The following RABGAP1L variants were observed in gnomAD, a reference collection of about 807,000 sequenced individuals.
RABGAP1L encodes RAB GTPase activating protein 1 like.
RABGAP1L carries 63 observed loss-of-function variants against 137.7 expected under a neutral mutation model. That is an observed-to-expected ratio of 0.46 (90% CI 0.37 to 0.56). The LOEUF (loss-of-function observed/expected upper bound fraction) is 0.56, where lower values mean the gene tolerates loss of function less well. Ranked by LOEUF, RABGAP1L falls within the 20% of genes least tolerant of loss-of-function variation. RABGAP1L has a pLI of 0.00. For synonymous variants in RABGAP1L, 431 were observed against 433.7 expected, an observed-to-expected ratio of 0.99 and a Z score of 0.08; for missense variants, 1,095 against 1,244.0, an observed-to-expected ratio of 0.88 and a Z score of 1.80.
chr1:174,763,575 T>C (rs1236590694), intron 18 of RABGAP1L, among the ~76,000 whole-genome samples: 8 of 123,330 alleles, frequency 6.5e-5, no homozygotes, highest in Non-Finnish European at 1.1e-4. Flanking sequence ...GGCGTGAACC[T>C]GGGAGGCGGA....
intron 13 of RABGAP1L, among the ~76,000 whole-genome samples, chr1:174,440,254 G>A (rs1235791274): frequency 6.6e-6 from 1 of 152,116 alleles, no homozygotes; most frequent in East Asian, 1.9e-4. Flanking sequence ...TTATCATAAG[G>A]GCAATGTAAA....
At chr1:174,677,346 T>A (rs530805157) in intron 14 of RABGAP1L, among the ~76,000 whole-genome samples, 1 of 152,176 alleles carries the variant, frequency 6.6e-6, no homozygotes, top group Non-Finnish European at 1.5e-5. Flanking sequence ...TTAGAACTTA[T>A]AATAAACCAT....
At chr1:174,216,502 C>T (rs1489864022) in intron 1 of RABGAP1L, among the ~76,000 whole-genome samples, 1 of 150,678 alleles carries the variant, frequency 6.6e-6, no homozygotes, top group East Asian at 1.9e-4. Flanking sequence ...AACCCATGTA[C>T]AAGTAGTGCC....
chr1:174,697,428 C>A (rs2148512765), intron 15 of RABGAP1L, among the ~76,000 whole-genome samples: 1 of 152,180 alleles, frequency 6.6e-6, no homozygotes. Context: ...TCAAGCAGTT[C>A]TCCTGCCTCA....
At chr1:174,522,974 T>C (rs2147854167) in intron 13 of RABGAP1L, among the ~76,000 whole-genome samples, 1 of 152,282 alleles carries the variant, frequency 6.6e-6, no homozygotes, top group African/African-American at 2.4e-5. Flanking sequence ...TGGGCCAGGA[T>C]ACACATCCAG....
intron 1 of RABGAP1L, among the ~76,000 whole-genome samples, chr1:174,197,467 C>T (rs953099318): frequency 1.3e-5 from 2 of 152,276 alleles, no homozygotes; most frequent in Middle Eastern, 3.4e-3. Context: ...TGAGTTTCCA[C>T]GTAATACACT....
chr1:174,870,584 C>T (rs756637505), intron 19 of RABGAP1L, among the ~76,000 whole-genome samples: 1 of 152,030 alleles, frequency 6.6e-6, no homozygotes, highest in African/African-American at 2.4e-5. Flanking sequence ...CTGTAGGTAT[C>T]GAGTCAAATC....
chr1:174,946,900 C>CAAAA lies in RABGAP1L; in HGVS notation c.2341-10542_2341-10539dup, dbSNP rs1177949233. 1.1e-3 allele frequency among the ~76,000 whole-genome samples: 24 copies of CAAAA among 21,388 alleles called. 3 individuals are homozygous for CAAAA. Among genetic ancestry groups the CAAAA allele is most frequent in the African/African-American group, 7.3e-3 (24 of 3,304 alleles). 14.0% of individuals were successfully genotyped at this position (21,388 alleles called of 152,430 possible). A position where few individuals can be genotyped will look rare whatever the true frequency, so the allele number is the denominator to read the frequency against. Reference sequence around the variant, plus strand: ...TGGGCAAAAGAGCGAGACTCCATCTCAAAAAAAAAAAAAAAAAATATATAT... The same window carrying CAAAA: ...TGGGCAAAAGAGCGAGACTCCATCTCAAAAAAAAAAAAAAAAAAAAAATATATAT... On this transcript the variant is annotated intron_variant, in intron 19 of 25. Coordinates refer to ENST00000681986, the MANE Select transcript of RABGAP1L (RefSeq NM_001366446.1).
intron 19 of RABGAP1L, among the ~76,000 whole-genome samples, chr1:174,884,031 C>G (rs1654683274): frequency 6.6e-6 from 1 of 152,234 alleles, no homozygotes; most frequent in South Asian, 2.1e-4. Flanking sequence ...CTGGCTTTAC[C>G]ATGTTCCACA....
chr1:174,411,528 GT>G (rs911054546), intron 13 of RABGAP1L, among the ~76,000 whole-genome samples: 1 of 151,832 alleles, frequency 6.6e-6, no homozygotes, highest in Admixed American at 6.6e-5. Flanking sequence ...CTGTTTATGT[GT>G]TCAATCAAAT....
rs116506638 is a variant in RABGAP1L, at chr1:174,289,217, A to G, written c.1323+10438A>G. Among the ~76,000 whole-genome samples the G allele has an allele frequency of 2.8e-3, 432 of 152,208 alleles. 3 individuals carry two copies. The highest frequency in any genetic ancestry group is 9.7e-3 in the African/African-American group (404 of 41,540). ...CACACCCACCTAATTTTTTAAAAAT[A>G]ACTTTTGTAGAGACAGGGTCTTGCT... On this transcript the variant is annotated intron_variant, in intron 10 of 25. Transcript: ENST00000681986.
intron 12 of RABGAP1L, among the ~76,000 whole-genome samples, chr1:174,385,982 C>T (rs536007081): frequency 1.5e-4 from 23 of 152,074 alleles, no homozygotes; most frequent in African/African-American, 5.1e-4. Flanking sequence ...GGCAATATAG[C>T]ATGTTTGTAT....
chr1:174,937,619 A>AATAT lies in RABGAP1L; in HGVS notation c.2341-19825_2341-19822dup, dbSNP rs148901840. On this transcript the variant is annotated intron_variant, in intron 19 of 25. Coordinates refer to ENST00000681986, the MANE Select transcript of RABGAP1L (RefSeq NM_001366446.1). ...ATTTTTAAATAGCAATACTTCATTA[A>AATAT]ATATATATATATATATCTTGCAGTT... Among the ~76,000 whole-genome samples the AATAT allele has an allele frequency of 1.7e-3, 185 of 109,660 alleles. 18 individuals carry two copies. The highest frequency in any genetic ancestry group is 3.3e-3 in the South Asian group (12 of 3,678). The allele number at this position is 109,660 out of a possible 152,430, so 71.9% of individuals were successfully genotyped here. A position where few individuals can be genotyped will look rare whatever the true frequency, so the allele number is the denominator to read the frequency against.
intron 13 of RABGAP1L, among the ~76,000 whole-genome samples, chr1:174,424,691 A>G (rs1651750467): frequency 6.6e-6 from 1 of 151,750 alleles, no homozygotes; most frequent in South Asian, 2.1e-4. Flanking sequence ...GCTACTATGA[A>G]AAACAGGAAT....
chr1:174,852,069 C>A (rs1014247448), intron 19 of RABGAP1L, among the ~76,000 whole-genome samples: 1 of 152,118 alleles, frequency 6.6e-6, no homozygotes, highest in African/African-American at 2.4e-5. Context: ...CTAGAACTTA[C>A]CTTTCAATTA....
chr1:174,831,172 A>G (rs1308263920), intron 19 of RABGAP1L, among the ~76,000 whole-genome samples: 1 of 148,394 alleles, frequency 6.7e-6, no homozygotes, highest in Non-Finnish European at 1.5e-5. Context: ...TTTAGACAAC[A>G]TAAATCAATG....
In RABGAP1L at chr1:174,870,898, C is replaced by T. The variant is rs553263129; in HGVS notation, c.2340+58938C>T. ...GACTACAGGCGCCTGCCACAACACC[C>T]GGCTAATTTTTTTTATATTTTTAGT... On this transcript the variant is annotated intron_variant, in intron 19 of 25. Coordinates refer to ENST00000681986, the MANE Select transcript of RABGAP1L (RefSeq NM_001366446.1). 6.6e-5 allele frequency among the ~76,000 whole-genome samples: 10 copies of T among 151,798 alleles called. 1 individual carries two copies. The highest frequency in any genetic ancestry group is 1.9e-4 in the East Asian group (1 of 5,136).
At chr1:174,441,956 A>G (rs76149736) in intron 13 of RABGAP1L, among the ~76,000 whole-genome samples, 9,380 of 151,964 alleles carry the variant, frequency 0.062, 424 homozygotes, top group Non-Finnish European at 0.096. Flanking sequence ...GCAATTATCA[A>G]TTATTTATAG....
At chr1:174,280,490 C>T (rs1490854580) in intron 10 of RABGAP1L, among the ~76,000 whole-genome samples, 2 of 152,180 alleles carry the variant, frequency 1.3e-5, no homozygotes, top group Non-Finnish European at 2.9e-5. Context: ...CAGGATTAGA[C>T]CAGACTCCTG....
Sources: gnomAD v4.1 joint callset for allele counts (sites outside exome capture counted in the v4.1 genomes callset) on GRCh38, gnomAD v4.1.1 for gene constraint, MANE v1.5 for transcripts, NCBI Gene and HGNC (gene_info 2026-07-23, HGNC 2026-07-21) for gene names.